The following COL9A1 variants were observed in gnomAD, a reference collection of about 807,000 sequenced individuals.
COL9A1 encodes collagen alpha-1(IX) chain.
A neutral mutation model predicts 142.6 loss-of-function variants in COL9A1; 104 were observed. That is an observed-to-expected ratio of 0.73 (90% CI 0.62 to 0.86). The LOEUF (loss-of-function observed/expected upper bound fraction) is 0.86, where lower values mean the gene tolerates loss of function less well. Among genes scored for constraint, COL9A1 ranks in the 40% least tolerant of loss-of-function variants. The pLI is 0.00. For missense variants in COL9A1, 1,210 were observed against 1,176.6 expected (o/e 1.03, Z -0.42); for synonymous variants, 466 against 396.0 (o/e 1.18, Z -2.10).
chr6:70,294,277 C>G lies in COL9A1; in HGVS notation c.586G>C (p.Val196Leu), dbSNP rs1367463882. ...GVERSSATLF[V>L]DCNRIESLPI... is the part of the protein sequence containing the mutation. ...AAAGATTCAATCCTGTTGCAGTCAA[C>G]AAAAAGAGTAGCACTACTCCTCTCC... Residue 196 changes from valine to leucine, a missense_variant, in exon 5 of 38, where the codon GTT becomes CTT. Val to Leu is a conservative substitution (Grantham distance 32, BLOSUM62 1). Transcript: ENST00000357250. 6.2e-7 allele frequency: 1 copy of G among 1,613,906 alleles called. No individual in the cohort carries two copies. The highest frequency in any genetic ancestry group is 1.7e-5 in the Admixed American group (1 of 59,990).
Position 70,242,048 on chromosome 6 carries a change from A to G in COL9A1, c.1927-13T>C, listed in dbSNP as rs758066902. The G allele has an allele frequency of 2.5e-6, 4 of 1,584,914 alleles. No individual in the cohort carries two copies. The African/African-American group carries it at 5.4e-5, about 21-fold the overall frequency. ...TACCCAGAGAACCCTGGAAAGCAAA[A>G]ACAAAGTCCCCGGAGTTACTGTCAC... On this transcript the variant is annotated splice_polypyrimidine_tract_variant and intron_variant, in intron 29 of 37. Coordinates refer to ENST00000357250, the MANE Select transcript of COL9A1 (RefSeq NM_001851.6).
At chr6:70,238,955 A>G (rs1302851639) in intron 33 of COL9A1, among the ~76,000 whole-genome samples, 1 of 152,234 alleles carries the variant, frequency 6.6e-6, no homozygotes. Context: ...TCTGACCAAC[A>G]TGGTGAAACC....
chr6:70,221,189 G>A (rs9446211), intron 37 of COL9A1, among the ~76,000 whole-genome samples: 2,043 of 152,002 alleles, frequency 0.013, 43 homozygotes, highest in African/African-American at 0.044. Context: ...CATCTCGGCT[G>A]GATCATTCTG....
chr6:70,217,630 C>T (rs571945044), intron 37 of COL9A1, among the ~76,000 whole-genome samples: 2 of 152,294 alleles, frequency 1.3e-5, no homozygotes, highest in African/African-American at 4.8e-5. Flanking sequence ...ATTTGTGGCT[C>T]ACATTATATT....
At chr6:70,279,764 A>C in intron 10 of COL9A1, 1 of 427,742 alleles carries the variant, frequency 2.3e-6, no homozygotes, top group Non-Finnish European at 4.2e-6. Context: ...CACCTTAATA[A>C]CAGTAAAAAT....
chr6:70,274,673 C>A, intron 11 of COL9A1, 46 bp downstream of exon 11: 1 of 1,480,704 alleles, frequency 6.8e-7, no homozygotes, highest in Non-Finnish European at 9.4e-7. Flanking sequence ...TAAAATTATA[C>A]TTCAGCATTT....
chr6:70,293,909 T>C (rs995425028), intron 5 of COL9A1, among the ~76,000 whole-genome samples: 5 of 152,218 alleles, frequency 3.3e-5, no homozygotes, highest in Non-Finnish European at 5.9e-5. Context: ...TTATTAGTTA[T>C]GTGTACACAA....
In COL9A1 at chr6:70,256,825, C is replaced by CA. The variant is rs751315083; in HGVS notation, c.1450-5dup. The CA allele has an allele frequency of 8.7e-6, 14 of 1,612,722 alleles. No homozygotes were observed. Among genetic ancestry groups the CA allele is most frequent in the Middle Eastern group, 3.3e-4 (2 of 6,082 alleles). On this transcript the variant is annotated splice_polypyrimidine_tract_variant and splice_region_variant and intron_variant, in intron 20 of 37. Transcript: ENST00000357250. ...CACCATCTAAGCCCCGAGCACCCTG[C>CA]AAAAAAACAAGACAATGGAAAAAAA...
chr6:70,260,672 C>T lies in COL9A1; in HGVS notation c.1434G>A (p.Gly478=), dbSNP rs1771619176. Residue 478 remains glycine, a synonymous_variant, in exon 20 of 38, where the codon GGG becomes GGA. Coordinates refer to ENST00000357250, the MANE Select transcript of COL9A1 (RefSeq NM_001851.6). The part of the protein sequence containing the change: ...QGLRGITGIV[G]DKGEKGARGL... ...ACCATCTTACTTTTTCCCCTTTGTC[C>T]CCAACTATGCCGGTGATGCCTCGCA... 1.2e-6 allele frequency: 2 copies of T among 1,613,716 alleles called. No homozygotes were observed. The highest frequency in any genetic ancestry group is 3.3e-5 in the Admixed American group (2 of 59,984).
At chr6:70,265,500 CTTTT>C (rs57504613) in intron 18 of COL9A1, among the ~76,000 whole-genome samples, 1 of 136,580 alleles carries the variant, frequency 7.3e-6, no homozygotes, top group Non-Finnish European at 1.6e-5. Flanking sequence ...TGTGCTTGTA[CTTTT>C]TTTTTTTTTT....
At chr6:70,225,717 TA>T (rs1769185488) in intron 37 of COL9A1, among the ~76,000 whole-genome samples, 1 of 152,222 alleles carries the variant, frequency 6.6e-6, no homozygotes, top group African/African-American at 2.4e-5. Flanking sequence ...TTAAGGAAAT[TA>T]GTATTTCAAG....
chr6:70,217,829 G>A (rs989790463), intron 37 of COL9A1, among the ~76,000 whole-genome samples: 7 of 152,182 alleles, frequency 4.6e-5, no homozygotes, highest in Non-Finnish European at 1.5e-5. Flanking sequence ...TCTACAAGAT[G>A]GGATAATGTC....
intron 10 of COL9A1, 151 bp downstream of exon 10, chr6:70,280,661 T>A: frequency 7.8e-7 from 1 of 1,275,050 alleles, no homozygotes; most frequent in Non-Finnish European, 1.1e-6. Flanking sequence ...AGTTCCACGA[T>A]CAATCAGGCG....
chr6:70,260,671 C>T lies in COL9A1; in HGVS notation c.1435G>A (p.Asp479Asn). The change falls in exon 20 of 38, where the codon GAC (aspartate) becomes AAC (asparagine). Residue 479 changes from aspartate to asparagine, a missense_variant. Coordinates refer to ENST00000357250, the MANE Select transcript of COL9A1 (RefSeq NM_001851.6). The part of the protein sequence containing the change: ...GLRGITGIVG[D>N]KGEKGARGLD... ...CACCATCTTACTTTTTCCCCTTTGT[C>T]CCCAACTATGCCGGTGATGCCTCGC... is the stretch of plus-strand genomic sequence containing the variant. 6.2e-7 allele frequency: 1 copy of T among 1,613,652 alleles called. No homozygotes were observed. The highest frequency in any genetic ancestry group is 8.5e-7 in the Non-Finnish European group (1 of 1,179,838).
intron 28 of COL9A1, among the ~76,000 whole-genome samples, chr6:70,244,679 AT>A (rs958445136): frequency 1.3e-5 from 2 of 152,118 alleles, no homozygotes; most frequent in Non-Finnish European, 2.9e-5. Flanking sequence ...ATTATTATAC[AT>A]TTTTTTCTCT....
At chr6:70,251,187 A>C (rs76869551) in intron 28 of COL9A1, among the ~76,000 whole-genome samples, 7,224 of 152,314 alleles carry the variant, frequency 0.047, 356 homozygotes, top group East Asian at 0.14. Flanking sequence ...GTACTGATAC[A>C]TGCTACAGCA....
chr6:70,271,592 T>C, intron 14 of COL9A1, 63 bp downstream of exon 14: 1 of 1,488,786 alleles, frequency 6.7e-7, no homozygotes, highest in South Asian at 1.1e-5. Context: ...GGTAATTTGC[T>C]TTCCCAAATA....
intron 20 of COL9A1, 150 bp downstream of exon 20, chr6:70,260,507 C>G: frequency 1.6e-6 from 1 of 606,234 alleles, no homozygotes; most frequent in South Asian, 1.7e-5. Context: ...AAGATCGCGC[C>G]ATTGCACTCC....
intron 32 of COL9A1, among the ~76,000 whole-genome samples, chr6:70,239,869 A>C (rs1562295960): frequency 6.6e-6 from 1 of 152,238 alleles, no homozygotes; most frequent in Admixed American, 6.5e-5. Context: ...GAACGATTTT[A>C]ACAGAAAATG....
Sources: allele counts gnomAD v4.1 joint callset (sites outside exome capture counted in the v4.1 genomes callset), GRCh38; gene constraint gnomAD v4.1.1; transcripts MANE v1.5; gene names NCBI Gene and HGNC (gene_info 2026-07-23, HGNC 2026-07-21).